The following STX1A variants were observed in gnomAD, a reference collection of about 807,000 sequenced individuals.
STX1A encodes syntaxin 1A.
A neutral mutation model predicts 37.8 loss-of-function variants in STX1A; 4 were observed. The observed-to-expected ratio is 0.11, with a 90% CI of 0.05 to 0.24. The LOEUF is 0.24. STX1A is among the 10% of genes least tolerant of loss of function. The pLI is 1.00. For missense variants in STX1A, 251 were observed against 399.9 expected (o/e 0.63, Z 3.18); for synonymous variants, 135 against 147.4 (o/e 0.92, Z 0.61).
intron 1 of STX1A, among the ~76,000 whole-genome samples, chr7:73,715,843 G>A (rs1180580865): frequency 2.0e-5 from 3 of 152,202 alleles, no homozygotes; most frequent in Non-Finnish European, 2.9e-5. Flanking sequence ...GCTGAGTCAG[G>A]GGTGTGCGAG....
rs1798760028 is a variant in STX1A at position 73,703,848 on chromosome 7, C to T, written c.467-20G>A. ...TGCCGGCTGCAAGCGAGTGGGGTCACACTGAGCCCAGCCCTCTTCGGGGAG... is the reference window on the plus strand; with the variant it reads ...TGCCGGCTGCAAGCGAGTGGGGTCATACTGAGCCCAGCCCTCTTCGGGGAG... On this transcript the variant is annotated intron_variant, in intron 6 of 9. Transcript: ENST00000222812. 2.5e-6 allele frequency: 4 copies of T among 1,610,520 alleles called. No homozygotes were observed.
rs781805296 is a variant in STX1A, at chr7:73,717,965, G to T, written c.30+1637C>A. Among the ~76,000 whole-genome samples, 3 of 152,148 alleles carry T rather than the reference G, an allele frequency of 2.0e-5. No homozygotes were observed. The highest frequency in any genetic ancestry group is 4.4e-5 in the Non-Finnish European group (3 of 68,018). ...CCTCAGTTTCCCCTTCAGCTAGGGG[G>T]ATGAAGGCTGACATGCCAGAGGCTA... On this transcript the variant is annotated intron_variant, in intron 1 of 9. Transcript: ENST00000222812. This position sits in a 1 kb window ranked among gnomAD's most constrained non-coding sequence, Gnocchi z 4.1.
Position 73,704,864 on chromosome 7 carries a change from C to T in STX1A, c.283+286G>A, listed in dbSNP as rs1798814709. ...GGCTTCTGCAAGAGACCAGGAAGTA[C>T]TGGCCACTTCTTCAACCCTCTTTAG... On this transcript the variant is annotated intron_variant, in intron 4 of 9. Transcript: ENST00000222812. 7.2e-6 allele frequency: 4 copies of T among 552,218 alleles called. No homozygotes were observed. The South Asian group carries it at 8.4e-5, about 12-fold the overall frequency. 34.2% of individuals were successfully genotyped at this position (552,218 alleles called of 1,614,324 possible).
chr7:73,704,792 G>A, intron 4 of STX1A: 1 of 506,926 alleles, frequency 2.0e-6, no homozygotes, highest in Non-Finnish European at 3.6e-6. Flanking sequence ...GTGGCCCCGA[G>A]GCCTTGGCAC....
At chr7:73,710,312 T>C (rs1554617765) in intron 1 of STX1A, among the ~76,000 whole-genome samples, 1 of 152,276 alleles carries the variant, frequency 6.6e-6, no homozygotes, top group Non-Finnish European at 1.5e-5. Flanking sequence ...CCCACGCTGC[T>C]GGCAAGGCCA....
intron 1 of STX1A, among the ~76,000 whole-genome samples, chr7:73,719,010 G>T (rs1799396879): frequency 6.6e-6 from 1 of 151,676 alleles, no homozygotes; most frequent in Non-Finnish European, 1.5e-5. Flanking sequence ...CTGCGACCAA[G>T]CAGAGGGGGA....
rs1019706523 is a variant in STX1A, at chr7:73,700,072, C to A, written c.*335G>T. ...CGAGGTTAGGGTCCCCAGGGAAGAGCAGAACCTGGGCCCACCGAGTTACTG... is the reference window on the plus strand; with the variant it reads ...CGAGGTTAGGGTCCCCAGGGAAGAGAAGAACCTGGGCCCACCGAGTTACTG... On this transcript the variant is annotated 3_prime_UTR_variant, in exon 10 of 10. Coordinates refer to ENST00000222812, the MANE Select transcript of STX1A (RefSeq NM_004603.4). The surrounding 1 kb of genome is among the most constrained non-coding windows in gnomAD (Gnocchi z 4.4). 1.9e-5 allele frequency: 8 copies of A among 413,518 alleles called. No individual in the cohort carries two copies. The East Asian group carries it at 2.0e-4, about 10-fold the overall frequency. 25.6% of individuals were successfully genotyped at this position (413,518 alleles called of 1,614,324 possible). A position where few individuals can be genotyped will look rare whatever the true frequency, so the allele number is the denominator to read the frequency against.
rs2116721324 is a variant in STX1A, at chr7:73,699,899, A to T, written c.*508T>A. ...GGCAGCCTGAGCCTCCCTGGCAGTG[A>T]TCAGCGACTGAGACTCAGAGCTGGG... On this transcript the variant is annotated 3_prime_UTR_variant, in exon 10 of 10. Coordinates refer to ENST00000222812, the MANE Select transcript of STX1A (RefSeq NM_004603.4). 1 of 170,738 alleles carries T rather than the reference A, an allele frequency of 5.9e-6. No individual in the cohort carries two copies. The highest frequency in any genetic ancestry group is 1.3e-5 in the Non-Finnish European group (1 of 78,008). 10.6% of individuals were successfully genotyped at this position (170,738 alleles called of 1,614,324 possible). A position where few individuals can be genotyped will look rare whatever the true frequency, so the allele number is the denominator to read the frequency against.
At chr7:73,712,710 C>T (rs1799148044) in intron 1 of STX1A, among the ~76,000 whole-genome samples, 1 of 152,162 alleles carries the variant, frequency 6.6e-6, no homozygotes, top group South Asian at 2.1e-4. Flanking sequence ...TGGTTCCAGG[C>T]CATAAAGAAC....
chr7:73,709,603 C>A lies in STX1A; in HGVS notation c.31-481G>T, dbSNP rs943101141. On this transcript the variant is annotated intron_variant, in intron 1 of 9. Transcript: ENST00000222812. The surrounding 1 kb of genome is among the most constrained non-coding windows in gnomAD (Gnocchi z 4.2). Reference sequence around the variant, plus strand: ...TTGCTGTGTCACCCAGGCTGGAGTGCAGGGGTGCAATCACAGCTCACTGCA... The same window carrying A: ...TTGCTGTGTCACCCAGGCTGGAGTGAAGGGGTGCAATCACAGCTCACTGCA... 3.9e-5 allele frequency among the ~76,000 whole-genome samples: 6 copies of A among 152,136 alleles called. No individual in the cohort carries two copies. Among genetic ancestry groups the A allele is most frequent in the Non-Finnish European group, 8.8e-5 (6 of 68,008 alleles).
Position 73,708,605 on chromosome 7 carries a change from G to T in STX1A, c.192C>A (p.Ser64=), listed in dbSNP as rs782382542. 3.5e-5 allele frequency: 57 copies of T among 1,613,938 alleles called. No individual in the cohort carries two copies. The highest frequency in any genetic ancestry group is 4.4e-5 in the South Asian group (4 of 91,052). ...VKRKHSAILA[S]PNPDEKTKEE... is the part of the protein sequence containing the mutation. ...CACACTCACTCTCATCGGGGTTGGG[G>T]GATGCCAGGATGGCACTGTGCTTCC... The change falls in exon 3 of 10, where the codon TCC becomes TCA. Residue 64 remains serine, a synonymous_variant. Coordinates refer to ENST00000222812, the MANE Select transcript of STX1A (RefSeq NM_004603.4).
chr7:73,707,642 A>G (rs1200085410), intron 3 of STX1A, among the ~76,000 whole-genome samples: 1 of 152,110 alleles, frequency 6.6e-6, no homozygotes, highest in Non-Finnish European at 1.5e-5. Context: ...GAAAAAAAAT[A>G]CCTTCTTGGG....
At chr7:73,707,159 G>A (rs1000307837) in intron 3 of STX1A, among the ~76,000 whole-genome samples, 1 of 152,174 alleles carries the variant, frequency 6.6e-6, no homozygotes, top group Non-Finnish European at 1.5e-5. Context: ...AACACCTGAT[G>A]GCTGCATCCC....
intron 1 of STX1A, among the ~76,000 whole-genome samples, chr7:73,718,983 C>A (rs997537497): frequency 6.6e-6 from 1 of 150,936 alleles, no homozygotes; most frequent in African/African-American, 2.4e-5. Context: ...ATACCTGGGG[C>A]GGGCAGTGGA....
chr7:73,700,574 G>A lies in STX1A; in HGVS notation c.790-90C>T. 6.5e-7 allele frequency: 1 copy of A among 1,537,292 alleles called. No individual in the cohort carries two copies. Among genetic ancestry groups the A allele is most frequent in the African/African-American group, 1.4e-5 (1 of 73,148 alleles). On this transcript the variant is annotated intron_variant, in intron 9 of 9. Coordinates refer to ENST00000222812, the MANE Select transcript of STX1A (RefSeq NM_004603.4). The surrounding 1 kb of genome is among the most constrained non-coding windows in gnomAD (Gnocchi z 4.4). ...CAAAGGCTGAGGACTGGACAGTCGG[G>A]GGGGATCCAAGCAGGGGAAGGTGAC...
Position 73,712,429 on chromosome 7 carries a change from T to TC in STX1A, c.31-3308dup, listed in dbSNP as rs1799136947. ...GATGCTGATTCCATGAAGGTGACAT[T>TC]CCCTTCTTCCTCGATGCCACCTCCT... is the stretch of plus-strand genomic sequence containing the variant. On this transcript the variant is annotated intron_variant, in intron 1 of 9. Transcript: ENST00000222812. 4.0e-5 allele frequency among the ~76,000 whole-genome samples: 6 copies of TC among 149,526 alleles called. No homozygotes were observed. In the South Asian group the frequency reaches 1.1e-3, roughly 26 times the overall value.
At chr7:73,701,005 T>C (rs1798633251) in intron 8 of STX1A, 165 bp from the exon 9 acceptor site, 2 of 1,399,474 alleles carry the variant, frequency 1.4e-6, no homozygotes, top group East Asian at 2.5e-5. Context: ...GGGTGGGGTG[T>C]AGAGGGCCAG....
intron 1 of STX1A, among the ~76,000 whole-genome samples, chr7:73,719,107 C>T (rs1172659209): frequency 2.0e-5 from 3 of 151,984 alleles, no homozygotes; most frequent in Non-Finnish European, 4.4e-5. Context: ...GCGCGCCCCG[C>T]AGCGGGGCCC....
intron 6 of STX1A, 148 bp from the exon 7 acceptor site, chr7:73,703,976 A>T: frequency 1.2e-6 from 1 of 838,426 alleles, no homozygotes; most frequent in Non-Finnish European, 1.7e-6. Flanking sequence ...GGCCCTTAAC[A>T]CAGCAGCCGC....
Sources: allele counts gnomAD v4.1 joint callset (sites outside exome capture counted in the v4.1 genomes callset), GRCh38; gene constraint gnomAD v4.1.1; non-coding constraint Gnocchi (gnomAD v3.1); transcripts MANE v1.5; gene names NCBI Gene and HGNC (gene_info 2026-07-23, HGNC 2026-07-21).